Variants in CFAP96 observed in about 807,000 individuals in gnomAD.
CFAP96 encodes cilia-and flagella-associated protein 96.
the CFAP96 span, among the ~76,000 whole-genome samples, chr4:185,421,832 T>C: frequency 2.0e-5 from 3 of 152,192 alleles, no homozygotes; most frequent in Non-Finnish European, 4.4e-5. Flanking sequence ...GTGTTAACTA[T>C]CACCCTTCAG....
At chr4:185,431,314 C>G in the CFAP96 span, among the ~76,000 whole-genome samples, 1 of 151,862 alleles carries the variant, frequency 6.6e-6, no homozygotes, top group East Asian at 1.9e-4. Context: ...TTCCAAAGCT[C>G]TCCTCAAATA....
At chr4:185,440,032 A>AT in the CFAP96 span, among the ~76,000 whole-genome samples, 1 of 148,284 alleles carries the variant, frequency 6.7e-6, no homozygotes, top group Admixed American at 6.8e-5. Context: ...TATACATATA[A>AT]TTTTTTTAAT....
chr4:185,433,845 T>A, the CFAP96 span, among the ~76,000 whole-genome samples: 4 of 151,998 alleles, frequency 2.6e-5, no homozygotes, highest in South Asian at 8.3e-4. Flanking sequence ...GAGGCTGCAG[T>A]GAGCCAAGAT....
the CFAP96 span, chr4:185,413,826 T>C: frequency 5.0e-6 from 8 of 1,612,940 alleles, no homozygotes; most frequent in East Asian, 1.3e-4. Context: ...ATTAGACCTT[T>C]TGAAATAGGG....
chr4:185,424,370 T>C, the CFAP96 span, among the ~76,000 whole-genome samples: 1 of 152,208 alleles, frequency 6.6e-6, no homozygotes, highest in Non-Finnish European at 1.5e-5. Context: ...ACATACTTAC[T>C]CCAATCCTCA....
the CFAP96 span, chr4:185,415,908 A>C: frequency 6.7e-7 from 1 of 1,490,618 alleles, no homozygotes; most frequent in Non-Finnish European, 9.1e-7. Context: ...TAGTGCATTA[A>C]ACACTAAATA....
the CFAP96 span, chr4:185,415,999 A>G: frequency 1.5e-6 from 1 of 656,104 alleles, no homozygotes; most frequent in Non-Finnish European, 2.4e-6. Flanking sequence ...ACAGTAGTGA[A>G]AAGGGGGAAA....
the CFAP96 span, among the ~76,000 whole-genome samples, chr4:185,434,903 G>A: frequency 2.0e-5 from 3 of 152,072 alleles, no homozygotes; most frequent in Non-Finnish European, 4.4e-5. Context: ...ACCACGCCCG[G>A]CTAGTTTTTT....
chr4:185,413,421 GT>G, the CFAP96 span, among the ~76,000 whole-genome samples: 1 of 152,034 alleles, frequency 6.6e-6, no homozygotes, highest in African/African-American at 2.4e-5. Context: ...CTACAGTGTG[GT>G]TTGGGTAGAC....
chr4:185,427,149 C>G, the CFAP96 span, among the ~76,000 whole-genome samples: 2 of 152,152 alleles, frequency 1.3e-5, no homozygotes, highest in Non-Finnish European at 2.9e-5. Context: ...CTCCCTGGCT[C>G]GCTTGTGTGC....
the CFAP96 span, among the ~76,000 whole-genome samples, chr4:185,435,518 GAT>G: frequency 6.6e-6 from 1 of 152,176 alleles, no homozygotes; most frequent in Non-Finnish European, 1.5e-5. Flanking sequence ...ATTTTACATA[GAT>G]ACTGTGTGCC....
At chr4:185,415,175 G>A in the CFAP96 span, 1 of 1,599,742 alleles carries the variant, frequency 6.3e-7, no homozygotes, top group Non-Finnish European at 8.5e-7. Context: ...GCCTGCAGCT[G>A]GCCATCTGGT....
chr4:185,423,997 A>C, the CFAP96 span, among the ~76,000 whole-genome samples: 1 of 152,126 alleles, frequency 6.6e-6, no homozygotes, highest in Non-Finnish European at 1.5e-5. Context: ...ACATTTACTG[A>C]GCTCTTCAAA....
At chr4:185,421,297 A>G in the CFAP96 span, among the ~76,000 whole-genome samples, 1 of 152,306 alleles carries the variant, frequency 6.6e-6, no homozygotes, top group Admixed American at 6.5e-5. Flanking sequence ...GCCAGCTGCA[A>G]TCTCCTTCAA....
chr4:185,426,947 C>T, the CFAP96 span, among the ~76,000 whole-genome samples: 6 of 147,848 alleles, frequency 4.1e-5, no homozygotes, highest in African/African-American at 1.5e-4. Flanking sequence ...GCTTGTAGTC[C>T]CAGCTACTCG....
the CFAP96 span, chr4:185,418,749 A>G: frequency 1.0e-5 from 16 of 1,589,068 alleles, no homozygotes; most frequent in Non-Finnish European, 1.2e-5. Context: ...CACATGTTTC[A>G]GTGCCTTCTT....
chr4:185,412,303 T>C, the CFAP96 span, among the ~76,000 whole-genome samples: 1 of 152,216 alleles, frequency 6.6e-6, no homozygotes, highest in Non-Finnish European at 1.5e-5. Context: ...CTATTCTTTT[T>C]GTGAGGAACT....
the CFAP96 span, among the ~76,000 whole-genome samples, chr4:185,423,151 G>A: frequency 1.3e-5 from 2 of 152,290 alleles, no homozygotes; most frequent in East Asian, 1.9e-4. Flanking sequence ...GAGCCACCGC[G>A]CCCAGCTGGC....
At chr4:185,445,228 T>C in the CFAP96 span, 1,012,906 of 1,128,670 alleles carry the variant, frequency 0.9, 456,669 homozygotes, top group East Asian at 0.98. Flanking sequence ...TATACTTTTT[T>C]AAATGACAAA....
Sources: gnomAD v4.1 joint callset for allele counts (sites outside exome capture counted in the v4.1 genomes callset) on GRCh38, gnomAD v4.1.1 for gene constraint, MANE v1.5 for transcripts, NCBI Gene and HGNC (gene_info 2026-07-23, HGNC 2026-07-21) for gene names.